The following RNF8 variants were observed in gnomAD, a reference collection of about 807,000 sequenced individuals.
The protein encoded by RNF8 is ring finger protein 8.
RNF8 carries 8 observed loss-of-function variants against 59.3 expected under a neutral mutation model. The ratio of observed to expected loss-of-function variants is 0.13; its 90% CI spans 0.08 to 0.24. The LOEUF is 0.24. Among genes scored for constraint, RNF8 ranks in the 10% least tolerant of loss-of-function variants. The pLI, the probability that RNF8 is intolerant of heterozygous loss-of-function variation, is 1.00. For synonymous variants in RNF8, 162 were observed against 200.0 expected (o/e 0.81, Z 1.60); for missense variants, 406 against 572.6 (o/e 0.71, Z 2.97).
chr6:37,354,799 G>T (rs1769052459), intron 1 of RNF8, among the ~76,000 whole-genome samples: 1 of 152,250 alleles, frequency 6.6e-6, no homozygotes, highest in Admixed American at 6.5e-5. Flanking sequence ...GGTGGCGGGG[G>T]CCGCGAGCTG....
chr6:37,365,432 A>G (rs1008486401), intron 2 of RNF8, among the ~76,000 whole-genome samples: 3 of 152,216 alleles, frequency 2.0e-5, no homozygotes, highest in Admixed American at 6.5e-5. Context: ...CTTAGTTCCT[A>G]TCTCAGACCA....
Position 37,391,679 on chromosome 6 carries a change from A to T in RNF8, c.*921A>T, listed in dbSNP as rs1431874874. 1 of 152,142 alleles carries T rather than the reference A, an allele frequency of 6.6e-6. No individual in the cohort carries two copies. The highest frequency in any genetic ancestry group is 1.5e-5 in the Non-Finnish European group (1 of 68,032). The allele number at this position is 152,142 out of a possible 1,614,324, so 9.4% of individuals were successfully genotyped here. On this transcript the variant is annotated 3_prime_UTR_variant, in exon 8 of 8. Coordinates refer to ENST00000373479, the MANE Select transcript of RNF8 (RefSeq NM_003958.4). ...TTTTAATTTTAATTTTTGAAACAAGATCTGACTCTGTTGCCCAAGCTGGAG... is the reference window on the plus strand; with the variant it reads ...TTTTAATTTTAATTTTTGAAACAAGTTCTGACTCTGTTGCCCAAGCTGGAG...
rs372331324 is a variant in RNF8, at chr6:37,360,421, T to C, written c.112-25T>C. 2 of 1,601,440 alleles carry C rather than the reference T, an allele frequency of 1.2e-6. No individual in the cohort carries two copies. The highest frequency in any genetic ancestry group is 1.7e-6 in the Non-Finnish European group (2 of 1,179,222). On this transcript the variant is annotated intron_variant, in intron 1 of 7. Transcript: ENST00000373479. This position sits in a 1 kb window ranked among gnomAD's most constrained non-coding sequence, Gnocchi z 4.2. ...TTTTCAGCACAATGACTGATGGTAT[T>C]TCTTGCATTGTTGTTGTCTCCCAGG...
Position 37,360,307 on chromosome 6 carries a change from G to T in RNF8, c.112-139G>T. 1.2e-6 allele frequency: 1 copy of T among 860,320 alleles called. No homozygotes were observed. The highest frequency in any genetic ancestry group is 1.9e-6 in the Non-Finnish European group (1 of 532,734). The allele number at this position is 860,320 out of a possible 1,614,324, so 53.3% of individuals were successfully genotyped here. A position where few individuals can be genotyped will look rare whatever the true frequency, so the allele number is the denominator to read the frequency against. ...CAAGACAGCTGAAGAGGAGATAGCTGATGCACTGTTTTGGTTCCACAGGTG... is the reference window on the plus strand; with the variant it reads ...CAAGACAGCTGAAGAGGAGATAGCTTATGCACTGTTTTGGTTCCACAGGTG... On this transcript the variant is annotated intron_variant, in intron 1 of 7. Transcript: ENST00000373479. The surrounding 1 kb of genome is among the most constrained non-coding windows in gnomAD (Gnocchi z 4.2).
chr6:37,385,071 T>C (rs1770436560), intron 7 of RNF8, among the ~76,000 whole-genome samples: 2 of 151,800 alleles, frequency 1.3e-5, no homozygotes, highest in South Asian at 4.2e-4. Context: ...TGGAGTGCAA[T>C]GGCGCGATCT....
chr6:37,381,412 C>T, intron 7 of RNF8, 58 bp downstream of exon 7: 1 of 1,461,772 alleles, frequency 6.8e-7, no homozygotes, highest in Non-Finnish European at 9.5e-7. Context: ...TTCCAAACTT[C>T]AACAAATATT....
chr6:37,355,764 T>G (rs987594708), intron 1 of RNF8, among the ~76,000 whole-genome samples: 1 of 152,220 alleles, frequency 6.6e-6, no homozygotes, highest in African/African-American at 2.4e-5. Flanking sequence ...CATTAAGCAT[T>G]CATTCTTTTA....
At chr6:37,366,932 C>T (rs372733428) in intron 2 of RNF8, among the ~76,000 whole-genome samples, 3 of 152,258 alleles carry the variant, frequency 2.0e-5, no homozygotes, top group African/African-American at 7.2e-5. Context: ...CCCAGCTGCA[C>T]ATGATATTCC....
rs146770674 is a variant in RNF8 at position 37,370,106 on chromosome 6, G to T, written c.975+888G>T. 13 of 152,286 alleles carry T rather than the reference G, an allele frequency of 8.5e-5. No homozygotes were observed. The East Asian group carries it at 2.3e-3, about 27-fold the overall frequency. 9.4% of individuals were successfully genotyped at this position (152,286 alleles called of 1,614,324 possible). On this transcript the variant is annotated intron_variant, in intron 3 of 7. Coordinates refer to ENST00000373479, the MANE Select transcript of RNF8 (RefSeq NM_003958.4). The stretch of plus-strand genomic sequence containing the variant: ...CCATTGTTGACTTAGAACTCAGACG[G>T]ACCAGTCACAACTAAAGTGAATAAG...
At chr6:37,358,298 T>C (rs1188244536) in intron 1 of RNF8, among the ~76,000 whole-genome samples, 1 of 152,108 alleles carries the variant, frequency 6.6e-6, no homozygotes, top group African/African-American at 2.4e-5. Context: ...TTATAGGCCA[T>C]GGAAGGAAGT....
chr6:37,383,887 G>A (rs151149575), intron 7 of RNF8, among the ~76,000 whole-genome samples: 4 of 150,512 alleles, frequency 2.7e-5, no homozygotes, highest in African/African-American at 1.0e-4. Context: ...TCCCTCTGGA[G>A]CTGGTGAGGT....
Position 37,383,849 on chromosome 6 carries a change from G to GT in RNF8, c.1441+2502dup, listed in dbSNP as rs1482179649. 2.0e-5 allele frequency among the ~76,000 whole-genome samples: 3 copies of GT among 152,116 alleles called. No individual in the cohort carries two copies. The East Asian group carries it at 5.8e-4, about 29-fold the overall frequency. ...CATGAGATTTTTTCTGAATGGAAAAGTTTTTTTGAAATCCCCTATAGAGTA... is the reference window on the plus strand; with the variant it reads ...CATGAGATTTTTTCTGAATGGAAAAGTTTTTTTTGAAATCCCCTATAGAGTA... On this transcript the variant is annotated intron_variant, in intron 7 of 7. Coordinates refer to ENST00000373479, the MANE Select transcript of RNF8 (RefSeq NM_003958.4).
intron 7 of RNF8, among the ~76,000 whole-genome samples, chr6:37,387,704 G>C (rs1311736325): frequency 6.6e-6 from 1 of 152,160 alleles, no homozygotes; most frequent in Non-Finnish European, 1.5e-5. Context: ...AAAGCAAAGA[G>C]GGCATGTGCA....
chr6:37,364,423 T>C (rs938548688), intron 2 of RNF8, among the ~76,000 whole-genome samples: 1 of 152,190 alleles, frequency 6.6e-6, no homozygotes, highest in African/African-American at 2.4e-5. Flanking sequence ...AAGATGTTCA[T>C]TTTGTGACTG....
chr6:37,361,488 A>G, intron 2 of RNF8: 1 of 371,512 alleles, frequency 2.7e-6, no homozygotes, highest in Non-Finnish European at 5.3e-6. Context: ...GTCGCTATCA[A>G]AAAGAAAAGA....
intron 7 of RNF8, among the ~76,000 whole-genome samples, chr6:37,383,270 C>T (rs1217687522): frequency 6.6e-6 from 1 of 152,198 alleles, no homozygotes; most frequent in Non-Finnish European, 1.5e-5. Context: ...TTTTCTGAGA[C>T]CTGATTTAGG....
rs532779505 is a variant in RNF8, at chr6:37,367,493, G to A, written c.241-991G>A. ...ATCTTGGCTCACGGCATCCTCTGCC[G>A]CCTGGGTTCTAGTAATTCTCATGCC... On this transcript the variant is annotated intron_variant, in intron 2 of 7. Coordinates refer to ENST00000373479, the MANE Select transcript of RNF8 (RefSeq NM_003958.4). Among the ~76,000 whole-genome samples the A allele has an allele frequency of 1.8e-4, 27 of 152,170 alleles. No individual in the cohort carries two copies. In the South Asian group the frequency reaches 3.7e-3, roughly 21 times the overall value.
At chr6:37,365,156 A>AT (rs1398427045) in intron 2 of RNF8, among the ~76,000 whole-genome samples, 2 of 152,194 alleles carry the variant, frequency 1.3e-5, no homozygotes, top group African/African-American at 4.8e-5. Context: ...ACTACCTTCA[A>AT]TATTACTCAG....
At chr6:37,383,652 T>C (rs886094326) in intron 7 of RNF8, among the ~76,000 whole-genome samples, 1 of 152,026 alleles carries the variant, frequency 6.6e-6, no homozygotes, top group African/African-American at 2.4e-5. Flanking sequence ...AGGAGTAGAG[T>C]CTCATGACTG....
Sources: allele counts gnomAD v4.1 joint callset (sites outside exome capture counted in the v4.1 genomes callset), GRCh38; gene constraint gnomAD v4.1.1; non-coding constraint Gnocchi (gnomAD v3.1); transcripts MANE v1.5; gene names NCBI Gene and HGNC (gene_info 2026-07-23, HGNC 2026-07-21).